GPHN: variants seen among roughly 807,000 people sequenced by gnomAD.
The protein encoded by GPHN is gephyrin.
A neutral mutation model predicts 95.5 loss-of-function variants in GPHN; 17 were observed. The observed-to-expected ratio is 0.18, with a 90% CI of 0.12 to 0.27. GPHN has a LOEUF of 0.27. GPHN is among the 10% of genes least tolerant of loss of function. The pLI is 1.00. For synonymous variants in GPHN, 320 were observed against 322.5 expected (o/e 0.99, Z 0.08); for missense variants, 660 against 978.1 (o/e 0.67, Z 4.34).
intron 9 of GPHN, among the ~76,000 whole-genome samples, chr14:66,966,078 T>C (rs1240068183): frequency 6.6e-6 from 1 of 152,166 alleles, no homozygotes; most frequent in African/African-American, 2.4e-5. Flanking sequence ...GGATGCAATA[T>C]TGGTATCAAA....
intron 12 of GPHN, 90 bp from the exon 13 acceptor site, chr14:67,100,766 G>A (rs763985621): frequency 7.2e-6 from 6 of 838,498 alleles, no homozygotes; most frequent in Non-Finnish European, 1.2e-5. Context: ...CAAATAATTT[G>A]AGTCAAATTT....
At chr14:67,120,953 A>G (rs1304979117) in intron 16 of GPHN, among the ~76,000 whole-genome samples, 1 of 152,206 alleles carries the variant, frequency 6.6e-6, no homozygotes, top group African/African-American at 2.4e-5. Context: ...CAAAGCTACT[A>G]CTTTTCCAAT....
At chr14:67,224,792 T>C in the GPHN span, 1 of 253,194 alleles carries the variant, frequency 3.9e-6, no homozygotes, top group East Asian at 1.3e-4. Flanking sequence ...TTCTTTTCCA[T>C]GTTCCTCTTA....
the GPHN span, among the ~76,000 whole-genome samples, chr14:67,548,192 T>G: frequency 3.9e-5 from 6 of 152,202 alleles, no homozygotes; most frequent in Non-Finnish European, 8.8e-5. Flanking sequence ...AAATGGATAT[T>G]AAAATGTGAT....
At chr14:66,672,475 G>T (rs1043407808) in intron 1 of GPHN, among the ~76,000 whole-genome samples, 21 of 152,044 alleles carry the variant, frequency 1.4e-4, no homozygotes, top group African/African-American at 5.1e-4. Context: ...TTTTTTTCTT[G>T]TGAGATTTGT....
chr14:67,169,753 T>G (rs1005695155), intron 21 of GPHN, among the ~76,000 whole-genome samples: 1 of 152,236 alleles, frequency 6.6e-6, no homozygotes, highest in Non-Finnish European at 1.5e-5. Context: ...ATGCTATGAT[T>G]AGTTGACAGG....
intron 1 of GPHN, among the ~76,000 whole-genome samples, chr14:66,636,658 G>A (rs1298228437): frequency 2.6e-5 from 4 of 151,930 alleles, no homozygotes; most frequent in Non-Finnish European, 5.9e-5. Flanking sequence ...GATTTCAGAG[G>A]ATCCCAAATG....
At chr14:67,510,958 A>G in the GPHN span, among the ~76,000 whole-genome samples, 1 of 152,188 alleles carries the variant, frequency 6.6e-6, no homozygotes, top group Non-Finnish European at 1.5e-5. Flanking sequence ...TTTATCTTGA[A>G]GCATGAATCA....
chr14:66,722,335 T>C (rs1182081649), intron 2 of GPHN, among the ~76,000 whole-genome samples: 1 of 152,164 alleles, frequency 6.6e-6, no homozygotes, highest in Non-Finnish European at 1.5e-5. Context: ...CCTTTCACGA[T>C]ATCGTTATCA....
At chr14:67,505,788 C>T in the GPHN span, among the ~76,000 whole-genome samples, 85 of 152,012 alleles carry the variant, frequency 5.6e-4, no homozygotes, top group South Asian at 0.016. Context: ...CTCACTGCAA[C>T]CTCTGCCTCC....
chr14:66,534,883 A>G (rs1252816128), intron 1 of GPHN, among the ~76,000 whole-genome samples: 1 of 152,142 alleles, frequency 6.6e-6, no homozygotes, highest in East Asian at 1.9e-4. Context: ...TATTCTGAAT[A>G]TGAGACCTTT....
intron 8 of GPHN, among the ~76,000 whole-genome samples, chr14:66,931,079 G>T (rs1218867400): frequency 2.0e-5 from 3 of 152,000 alleles, no homozygotes; most frequent in Non-Finnish European, 4.4e-5. Context: ...ATCTGGGAAG[G>T]TCTTTATTTC....
the GPHN span, among the ~76,000 whole-genome samples, chr14:67,553,976 A>G: frequency 6.6e-6 from 1 of 152,170 alleles, no homozygotes; most frequent in African/African-American, 2.4e-5. Context: ...AGGGGGCCCT[A>G]TCCATGGGAG....
At chr14:67,351,789 G>C in the GPHN span, among the ~76,000 whole-genome samples, 1 of 151,760 alleles carries the variant, frequency 6.6e-6, no homozygotes, top group African/African-American at 2.4e-5. Context: ...CCAAAGTGTT[G>C]GGATTACAGG....
the GPHN span, among the ~76,000 whole-genome samples, chr14:67,316,330 CACAT>C: frequency 7.9e-5 from 12 of 152,020 alleles, no homozygotes; most frequent in South Asian, 4.1e-4. Context: ...AAATGGCTAA[CACAT>C]ATACATACAC....
At chr14:67,543,944 G>T in the GPHN span, among the ~76,000 whole-genome samples, 2 of 152,118 alleles carry the variant, frequency 1.3e-5, no homozygotes, top group African/African-American at 4.8e-5. Context: ...GCTGATTGAG[G>T]GGCAGGTGGT....
At chr14:66,777,742 A>G (rs1446272578) in intron 3 of GPHN, among the ~76,000 whole-genome samples, 2 of 152,236 alleles carry the variant, frequency 1.3e-5, no homozygotes, top group Non-Finnish European at 2.9e-5. Flanking sequence ...ATCTCAATAC[A>G]TGAAGAAAAG....
intron 2 of GPHN, among the ~76,000 whole-genome samples, chr14:66,770,044 T>C (rs1297327951): frequency 2.6e-5 from 4 of 152,236 alleles, no homozygotes; most frequent in Non-Finnish European, 5.9e-5. Flanking sequence ...AGATGGTATC[T>C]CATTATGGTT....
chr14:66,720,322 G>A (rs1335051220), intron 2 of GPHN, among the ~76,000 whole-genome samples: 1 of 152,198 alleles, frequency 6.6e-6, no homozygotes, highest in Non-Finnish European at 1.5e-5. Context: ...GAGAAGCTGA[G>A]ATGGGCAGAT....
Sources: gnomAD v4.1 joint callset for allele counts (sites outside exome capture counted in the v4.1 genomes callset) on GRCh38, gnomAD v4.1.1 for gene constraint, MANE v1.5 for transcripts, NCBI Gene and HGNC (gene_info 2026-07-23, HGNC 2026-07-21) for gene names.